The following UIMC1 variants were observed in gnomAD, a reference collection of about 807,000 sequenced individuals.
UIMC1 encodes ubiquitin interaction motif containing 1.
Under a neutral mutation model 84.9 loss-of-function variants are expected in UIMC1, and 42 were observed. That is an observed-to-expected ratio of 0.49 (90% CI 0.39 to 0.64). The LOEUF is 0.64. Among genes scored for constraint, UIMC1 ranks in the 30% least tolerant of loss-of-function variants. The pLI is 0.00. For missense variants in UIMC1, 825 were observed against 847.6 expected, an observed-to-expected ratio of 0.97 and a Z score of 0.33; for synonymous variants, 281 against 293.0, an observed-to-expected ratio of 0.96 and a Z score of 0.42.
At chr5:176,995,640 G>A (rs920512678) in intron 1 of UIMC1, among the ~76,000 whole-genome samples, 6 of 149,914 alleles carry the variant, frequency 4.0e-5, no homozygotes, top group East Asian at 2.0e-4. Context: ...TGAAAAGATC[G>A]AGACCATCCT....
Position 176,911,314 on chromosome 5 carries a change from T to C in UIMC1, c.1673A>G (p.Asp558Gly). Residue 558 changes from aspartate to glycine, a missense_variant, in exon 11 of 15, where the codon GAC (aspartate) becomes GGC (glycine). Physicochemically the swap from Asp to Gly is moderately conservative, Grantham distance 94. Transcript: ENST00000511320. ...TGAATGCAGCATACCTACTTACTTG[T>C]CAATGTCTAGAGAAGTCTGGGCAGC... ...GTAAQTSLDI[D>G]KNEKCYLCKS... The C allele has an allele frequency of 6.3e-7, 1 of 1,595,058 alleles. No individual in the cohort carries two copies. The highest frequency in any genetic ancestry group is 8.5e-7 in the Non-Finnish European group (1 of 1,169,916).
At chr5:176,961,901 C>T (rs1316971220) in intron 6 of UIMC1, among the ~76,000 whole-genome samples, 1 of 63,342 alleles carries the variant, frequency 1.6e-5, no homozygotes, top group African/African-American at 6.7e-5. Flanking sequence ...GTGGGGGGAT[C>T]GGCCCCCCGC....
At chr5:176,938,505 C>G (rs754847498) in intron 10 of UIMC1, among the ~76,000 whole-genome samples, 1 of 152,158 alleles carries the variant, frequency 6.6e-6, no homozygotes, top group African/African-American at 2.4e-5. Flanking sequence ...AAGCTCTGTT[C>G]CCAGGAAAGT....
chr5:176,994,889 C>G (rs542406398), intron 1 of UIMC1, among the ~76,000 whole-genome samples: 36 of 151,930 alleles, frequency 2.4e-4, no homozygotes, highest in African/African-American at 8.7e-4. Flanking sequence ...ACTTGTGAAA[C>G]ACAGGTATTT....
At position 176,906,284 on chromosome 5, in the gene UIMC1, A is replaced by G. The variant is rs1030009234; in HGVS notation, c.1913-237T>C. ...ACAACCTCTGAATAAATCTACTTCA[A>G]TTCTGGACTTGAGGAACAAGGAAGT... On this transcript the variant is annotated intron_variant, in intron 13 of 14. Transcript: ENST00000511320. 3.2e-5 allele frequency: 15 copies of G among 468,088 alleles called. 1 individual carries two copies. In the Admixed American group the frequency reaches 4.9e-4, roughly 15 times the overall value. 29.0% of individuals were successfully genotyped at this position (468,088 alleles called of 1,614,324 possible).
chr5:176,964,080 AATGT>A (rs1212727955), intron 6 of UIMC1, among the ~76,000 whole-genome samples: 2 of 152,166 alleles, frequency 1.3e-5, no homozygotes, highest in African/African-American at 4.8e-5. Flanking sequence ...CCCCAAAGTG[AATGT>A]TTCTCTGAGT....
At chr5:176,912,109 G>T (rs910954878) in intron 10 of UIMC1, among the ~76,000 whole-genome samples, 1 of 152,168 alleles carries the variant, frequency 6.6e-6, no homozygotes, top group East Asian at 1.9e-4. Flanking sequence ...CCTAACACCT[G>T]AAATCCCCAC....
intron 9 of UIMC1, among the ~76,000 whole-genome samples, chr5:176,944,611 T>C (rs971611899): frequency 4.6e-5 from 7 of 152,216 alleles, no homozygotes; most frequent in Non-Finnish European, 1.0e-4. Flanking sequence ...AAATATCTTC[T>C]GATACAAGAA....
chr5:176,940,874 AAGGTAATTATTATT>A (rs1333482574), intron 10 of UIMC1, among the ~76,000 whole-genome samples: 3 of 152,202 alleles, frequency 2.0e-5, no homozygotes, highest in African/African-American at 7.2e-5. Flanking sequence ...AAAACTGAAC[AAGGTAATTATTATT>A]ATTTCACAGA....
intron 1 of UIMC1, chr5:177,002,118 C>CAAAAAAAAAAAAAAAAAAAAAAAAAAA (rs1241523143): frequency 9.4e-6 from 1 of 105,882 alleles, no homozygotes; most frequent in Admixed American, 1.0e-4. Context: ...AAGACTGTCT[C>CAAAAAAAAAAAAAAAAAAAAAAAAAAA]AAAAAAAAAA....
At chr5:176,961,939 G>A (rs1403920109) in intron 6 of UIMC1, among the ~76,000 whole-genome samples, 1 of 69,032 alleles carries the variant, frequency 1.4e-5, no homozygotes, top group Non-Finnish European at 3.0e-5. Flanking sequence ...CCGGGAGGGA[G>A]GTGGGGGTGT....
At chr5:176,991,660 C>T (rs534888903) in intron 1 of UIMC1, among the ~76,000 whole-genome samples, 2 of 147,850 alleles carry the variant, frequency 1.4e-5, no homozygotes, top group Admixed American at 6.7e-5. Flanking sequence ...AGGCCAGGCG[C>T]GGTGGCTCAC....
upstream of UIMC1, among the ~76,000 whole-genome samples, chr5:177,011,324 G>A (rs958642124): frequency 2.7e-4 from 41 of 152,202 alleles, no homozygotes; most frequent in African/African-American, 9.9e-4. Flanking sequence ...AGGATTACTT[G>A]AGCCCAGGAG....
intron 10 of UIMC1, among the ~76,000 whole-genome samples, chr5:176,936,947 C>T (rs1763780847): frequency 6.6e-6 from 1 of 152,130 alleles, no homozygotes; most frequent in African/African-American, 2.4e-5. Flanking sequence ...GTCTGCCTCC[C>T]ACTACTAGAA....
chr5:176,981,066 G>A (rs1316259811), intron 2 of UIMC1, among the ~76,000 whole-genome samples: 3 of 151,712 alleles, frequency 2.0e-5, no homozygotes, highest in Non-Finnish European at 2.9e-5. Context: ...TTCTCTATAC[G>A]CTTATGCCTT....
At chr5:176,979,936 A>T (rs1347170602) in intron 2 of UIMC1, among the ~76,000 whole-genome samples, 2 of 152,124 alleles carry the variant, frequency 1.3e-5, no homozygotes, top group Non-Finnish European at 2.9e-5. Context: ...TAAGTGGGGA[A>T]GATTTGCACT....
At chr5:176,986,071 T>A (rs947604247) in intron 1 of UIMC1, among the ~76,000 whole-genome samples, 2 of 138,954 alleles carry the variant, frequency 1.4e-5, no homozygotes, top group Admixed American at 1.4e-4. Flanking sequence ...ATGCAACGTA[T>A]TTTTTTTTTT....
intron 10 of UIMC1, among the ~76,000 whole-genome samples, chr5:176,921,450 G>A (rs1030094808): frequency 2.6e-5 from 4 of 152,038 alleles, no homozygotes; most frequent in Admixed American, 6.6e-5. Flanking sequence ...ATCTTCATTT[G>A]GTTATTCACT....
chr5:176,974,727 G>A (rs771084219), intron 3 of UIMC1, among the ~76,000 whole-genome samples: 1 of 151,868 alleles, frequency 6.6e-6, no homozygotes, highest in African/African-American at 2.4e-5. Flanking sequence ...TGGGAGAATC[G>A]TTATGAACCC....
Sources: gnomAD v4.1 joint callset for allele counts (sites outside exome capture counted in the v4.1 genomes callset) on GRCh38, gnomAD v4.1.1 for gene constraint, MANE v1.5 for transcripts, NCBI Gene and HGNC (gene_info 2026-07-23, HGNC 2026-07-21) for gene names.